Variants in STAU2 observed in about 807,000 individuals in gnomAD.
STAU2 encodes double-stranded RNA-binding protein Staufen homolog 2.
STAU2 carries 20 observed loss-of-function variants against 65.9 expected under a neutral mutation model. The ratio of observed to expected loss-of-function variants is 0.30; its 90% CI spans 0.21 to 0.44. STAU2 has a LOEUF of 0.44. STAU2 is among the 20% of genes least tolerant of loss of function. The pLI, the probability that STAU2 is intolerant of heterozygous loss-of-function variation, is 1.00. For synonymous variants in STAU2, 232 were observed against 233.9 expected (o/e 0.99, Z 0.07); for missense variants, 558 against 683.9 (o/e 0.82, Z 2.05).
At position 73,479,140 on chromosome 8, in the gene STAU2, T is replaced by C. The variant is rs79438945; in HGVS notation, c.1531-56438A>G. ...TTTAAAGCAAATTCTAACCACTACA[T>C]CATTTCATTGGCAAAATGTGTTAGT... On this transcript the variant is annotated intron_variant, in intron 13 of 14. Coordinates refer to ENST00000524300, the MANE Select transcript of STAU2 (RefSeq NM_001164380.2). Among the ~76,000 whole-genome samples the C allele has an allele frequency of 1.3e-3, 200 of 152,194 alleles. 1 individual carries two copies. In the East Asian group the frequency reaches 0.027, roughly 21 times the overall value.
intron 9 of STAU2, among the ~76,000 whole-genome samples, chr8:73,608,686 G>A (rs113300447): frequency 0.012 from 1,753 of 151,568 alleles, 33 homozygotes; most frequent in African/African-American, 0.04. Flanking sequence ...CTGATAGGAC[G>A]TAAGGGGTAA....
chr8:73,527,386 AC>A, intron 13 of STAU2: 1 of 229,810 alleles, frequency 4.4e-6, no homozygotes, highest in Non-Finnish European at 8.8e-6. Context: ...TGTTTTGTTG[AC>A]CCTTCCTCTC....
chr8:73,658,938 AACAAC>A (rs1406959640), intron 6 of STAU2, among the ~76,000 whole-genome samples: 5 of 57,076 alleles, frequency 8.8e-5, no homozygotes, highest in Non-Finnish European at 2.2e-4. Flanking sequence ...CAACAACAAA[AACAAC>A]AAAAAAAAAA....
intron 11 of STAU2, among the ~76,000 whole-genome samples, chr8:73,583,513 C>A (rs990257373): frequency 2.6e-5 from 4 of 152,046 alleles, no homozygotes; most frequent in Non-Finnish European, 5.9e-5. Flanking sequence ...ACCAAAAGAG[C>A]TTTTGTATGA....
chr8:73,474,810 A>T (rs1429778257), intron 13 of STAU2, among the ~76,000 whole-genome samples: 2 of 152,218 alleles, frequency 1.3e-5, no homozygotes, highest in East Asian at 1.9e-4. Context: ...CCTCAATAGA[A>T]TTGGGTACAC....
rs554205943 is a variant in STAU2 at position 73,445,164 on chromosome 8, T to C, written c.1531-22462A>G. Among the ~76,000 whole-genome samples, 279 of 152,246 alleles carry C rather than the reference T, an allele frequency of 1.8e-3. 1 individual carries two copies. The highest frequency in any genetic ancestry group is 6.3e-3 in the African/African-American group (261 of 41,546). On this transcript the variant is annotated intron_variant, in intron 13 of 14. Transcript: ENST00000524300. ...GCAGGACTATAGAACTTTAGACAAATCCAGAATCTTATTCTGTCTCCATTT... is the reference window on the plus strand; with the variant it reads ...GCAGGACTATAGAACTTTAGACAAACCCAGAATCTTATTCTGTCTCCATTT...
chr8:73,718,237 T>C (rs988155473), intron 3 of STAU2, among the ~76,000 whole-genome samples: 1 of 152,246 alleles, frequency 6.6e-6, no homozygotes, highest in African/African-American at 2.4e-5. Flanking sequence ...ATTGAACTCA[T>C]GTCCAATAGT....
intron 6 of STAU2, among the ~76,000 whole-genome samples, chr8:73,657,252 T>A (rs1284438203): frequency 2.6e-5 from 4 of 152,220 alleles, no homozygotes; most frequent in African/African-American, 4.8e-5. Context: ...TGATCCTCCA[T>A]TTGATCTCAA....
intron 3 of STAU2, among the ~76,000 whole-genome samples, chr8:73,731,631 T>C (rs1216023339): frequency 6.6e-6 from 1 of 152,136 alleles, no homozygotes; most frequent in Non-Finnish European, 1.5e-5. Flanking sequence ...TACCTCCAAT[T>C]TTGTGGCTTT....
intron 5 of STAU2, among the ~76,000 whole-genome samples, chr8:73,676,885 C>T (rs930243594): frequency 2.0e-5 from 3 of 152,120 alleles, no homozygotes; most frequent in Non-Finnish European, 4.4e-5. Flanking sequence ...TGTGAGCTAC[C>T]GTACCTGGTC....
chr8:73,721,139 T>G (rs1405496054), intron 3 of STAU2, among the ~76,000 whole-genome samples: 3 of 129,912 alleles, frequency 2.3e-5, no homozygotes, highest in Non-Finnish European at 4.9e-5. Context: ...AAAAAAAGAA[T>G]ATTAGCTGGG....
intron 13 of STAU2, among the ~76,000 whole-genome samples, chr8:73,477,313 T>C (rs549456496): frequency 2.6e-5 from 4 of 152,308 alleles, no homozygotes; most frequent in African/African-American, 9.6e-5. Context: ...ATCTCATCTA[T>C]TAGTTAGCTC....
chr8:73,529,378 G>A (rs937096040), intron 13 of STAU2, among the ~76,000 whole-genome samples: 4 of 152,138 alleles, frequency 2.6e-5, no homozygotes, highest in African/African-American at 9.7e-5. Flanking sequence ...GTCTGATATA[G>A]TGCTATTATA....
At chr8:73,423,493 T>C (rs970529357) in intron 13 of STAU2, among the ~76,000 whole-genome samples, 1 of 152,164 alleles carries the variant, frequency 6.6e-6, no homozygotes, top group Admixed American at 6.5e-5. Flanking sequence ...CCGACACTGC[T>C]GAGTGAGATT....
intron 13 of STAU2, among the ~76,000 whole-genome samples, chr8:73,473,966 G>A (rs952307533): frequency 5.1e-4 from 78 of 152,230 alleles, no homozygotes; most frequent in African/African-American, 1.7e-3. Context: ...AGTGGGTGGC[G>A]CTTTGCAAAT....
chr8:73,603,880 GAA>G lies in STAU2; in HGVS notation c.892-19_892-18del. Reference sequence around the variant, plus strand: ...TGGTCCGGCCTAAAAATTAATTTAAGAAAAAGTTTTAAAATATGCTTGTGAAA... The same window carrying G: ...TGGTCCGGCCTAAAAATTAATTTAAGAAAGTTTTAAAATATGCTTGTGAAA... On this transcript the variant is annotated intron_variant, in intron 9 of 14. Transcript: ENST00000524300. The G allele has an allele frequency of 4.5e-6, 7 of 1,572,748 alleles. No homozygotes were observed. The highest frequency in any genetic ancestry group is 2.8e-5 in the African/African-American group (2 of 72,498).
intron 6 of STAU2, among the ~76,000 whole-genome samples, chr8:73,617,669 TAAACATA>T (rs1812928792): frequency 6.6e-6 from 1 of 152,108 alleles, no homozygotes; most frequent in Non-Finnish European, 1.5e-5. Context: ...AATACAACAT[TAAACATA>T]AAACAATACA....
chr8:73,681,267 C>A (rs1818408472), intron 5 of STAU2, among the ~76,000 whole-genome samples: 1 of 152,268 alleles, frequency 6.6e-6, no homozygotes, highest in Middle Eastern at 3.4e-3. Context: ...TAGCAGATTT[C>A]TCAGCATAAA....
intron 6 of STAU2, among the ~76,000 whole-genome samples, chr8:73,632,233 GTATGTA>G (rs1563470463): frequency 6.6e-6 from 1 of 151,558 alleles, no homozygotes; most frequent in Non-Finnish European, 1.5e-5. Context: ...TTTAAAATGA[GTATGTA>G]AACAACTATT....
Sources: gnomAD v4.1 joint callset for allele counts (sites outside exome capture counted in the v4.1 genomes callset) on GRCh38, gnomAD v4.1.1 for gene constraint, MANE v1.5 for transcripts, NCBI Gene and HGNC (gene_info 2026-07-23, HGNC 2026-07-21) for gene names.